Variants in THRB observed in about 807,000 individuals in gnomAD.
THRB encodes thyroid hormone receptor beta.
In THRB, 12 loss-of-function variants were observed where a neutral mutation model predicts 47.8. The observed-to-expected ratio is 0.25, with a 90% CI of 0.16 to 0.41. The LOEUF (loss-of-function observed/expected upper bound fraction) is 0.41. THRB is among the 10% of genes least tolerant of loss of function. The pLI, the probability that THRB is intolerant of heterozygous loss-of-function variation, is 1.00. For synonymous variants in THRB, 218 were observed against 212.2 expected (o/e 1.03, Z -0.24); for missense variants, 348 against 589.2 (o/e 0.59, Z 4.24).
At chr3:24,233,117 C>T (rs1471139729) in intron 3 of THRB, among the ~76,000 whole-genome samples, 3 of 152,148 alleles carry the variant, frequency 2.0e-5, no homozygotes, top group Admixed American at 6.5e-5. Flanking sequence ...CAGGCATTCA[C>T]CTCTCAAACA....
At chr3:24,152,964 AAAAAAAAAAGAAAG>A (rs1214466817) in intron 5 of THRB, among the ~76,000 whole-genome samples, 26 of 83,260 alleles carry the variant, frequency 3.1e-4, no homozygotes, top group Non-Finnish European at 5.5e-4. Context: ...TTCTGCCAAA[AAAAAAAAAAGAAAG>A]AAAGAAAGAA....
At chr3:24,164,927 A>C in intron 5 of THRB, 1 of 617,000 alleles carries the variant, frequency 1.6e-6, no homozygotes, top group East Asian at 2.6e-5. Context: ...TTTAGCGTTC[A>C]AATTCAAAGA....
At chr3:24,225,223 G>A (rs974377621) in intron 4 of THRB, among the ~76,000 whole-genome samples, 21 of 152,100 alleles carry the variant, frequency 1.4e-4, no homozygotes, top group African/African-American at 3.4e-4. Flanking sequence ...AAGCTCACAG[G>A]AAACAGTACA....
chr3:24,284,778 A>G (rs2150894568), intron 3 of THRB, among the ~76,000 whole-genome samples: 1 of 150,768 alleles, frequency 6.6e-6, no homozygotes, highest in Non-Finnish European at 1.5e-5. Flanking sequence ...AGAGGACATG[A>G]ACAGACACTT....
chr3:24,317,441 G>T (rs2058195606), intron 2 of THRB, among the ~76,000 whole-genome samples: 6 of 152,176 alleles, frequency 3.9e-5, no homozygotes, highest in Admixed American at 3.9e-4. Flanking sequence ...GGACTCGCTT[G>T]ATTTCAACGA....
chr3:24,248,061 G>T (rs2050281901), intron 3 of THRB, among the ~76,000 whole-genome samples: 1 of 152,072 alleles, frequency 6.6e-6, no homozygotes, highest in African/African-American at 2.4e-5. Flanking sequence ...TTTTGGATAT[G>T]AGACATTTCT....
chr3:24,408,522 T>A lies in THRB; in HGVS notation c.-260-71151A>T, dbSNP rs191720852. Among the ~76,000 whole-genome samples the A allele has an allele frequency of 5.3e-5, 8 of 152,022 alleles. No individual in the cohort carries two copies. The East Asian group carries it at 1.6e-3, about 30-fold the overall frequency. On this transcript the variant is annotated intron_variant, in intron 1 of 10. Coordinates refer to ENST00000646209, the MANE Select transcript of THRB (RefSeq NM_001354712.2). ...ATACTTGAGTACAAGTGTGAGCACG[T>A]GCATGAGCATGTGTGTGAGCTGGTA...
chr3:24,358,756 G>A (rs946195177), intron 1 of THRB, among the ~76,000 whole-genome samples: 4 of 151,914 alleles, frequency 2.6e-5, no homozygotes, highest in Admixed American at 2.0e-4. Flanking sequence ...GTCAATTCTC[G>A]CATGGTTATT....
intron 1 of THRB, among the ~76,000 whole-genome samples, chr3:24,450,925 C>A (rs2072588125): frequency 6.6e-6 from 1 of 152,130 alleles, no homozygotes; most frequent in Non-Finnish European, 1.5e-5. Flanking sequence ...ATTATGAAGT[C>A]TGTTATATTT....
rs2148741867 is a variant in THRB, at chr3:24,117,990, C to T, written c.*4894G>A. 6.6e-6 allele frequency: 1 copy of T among 152,234 alleles called. No individual in the cohort carries two copies. The highest frequency in any genetic ancestry group is 1.9e-4 in the East Asian group (1 of 5,182). 9.4% of individuals were successfully genotyped at this position (152,234 alleles called of 1,614,324 possible). On this transcript the variant is annotated 3_prime_UTR_variant, in exon 11 of 11. Coordinates refer to ENST00000646209, the MANE Select transcript of THRB (RefSeq NM_001354712.2). ...CTCTCCTCCCTTCATCTTTGTGGCC[C>T]CTTCCAAAGAGGTAACCCCCCATCA...
intron 1 of THRB, among the ~76,000 whole-genome samples, chr3:24,486,012 C>G (rs1342337423): frequency 6.6e-6 from 1 of 152,036 alleles, no homozygotes; most frequent in African/African-American, 2.4e-5. Context: ...ACACATTTCC[C>G]ACTCCACGGC....
At chr3:24,248,416 A>T (rs1262099488) in intron 3 of THRB, among the ~76,000 whole-genome samples, 1 of 152,312 alleles carries the variant, frequency 6.6e-6, no homozygotes, top group Middle Eastern at 3.4e-3. Flanking sequence ...AAGGTTTGGA[A>T]TAGTACAATG....
chr3:24,485,143 C>A (rs1697097588), intron 1 of THRB, among the ~76,000 whole-genome samples: 1 of 152,182 alleles, frequency 6.6e-6, no homozygotes, highest in Admixed American at 6.5e-5. Context: ...GAAACACGTT[C>A]CTGTCAGACA....
chr3:24,383,574 A>C (rs1455414842), intron 1 of THRB, among the ~76,000 whole-genome samples: 1 of 152,168 alleles, frequency 6.6e-6, no homozygotes, highest in African/African-American at 2.4e-5. Context: ...TTCAGTCTAC[A>C]AAGGTAATTA....
chr3:24,292,010 C>T lies in THRB; in HGVS notation c.-43+5216G>A, dbSNP rs115825284. Among the ~76,000 whole-genome samples, 1,254 of 152,040 alleles carry T rather than the reference C, an allele frequency of 8.2e-3. 15 individuals are homozygous for T. The highest frequency in any genetic ancestry group is 0.029 in the African/African-American group (1,184 of 41,458). On this transcript the variant is annotated intron_variant, in intron 3 of 10. Coordinates refer to ENST00000646209, the MANE Select transcript of THRB (RefSeq NM_001354712.2). Reference sequence around the variant, plus strand: ...AAGACTCAGTAAATAAATTTTGGTACATCTAATCATTCAATGGACTAATAT... The same window carrying T: ...AAGACTCAGTAAATAAATTTTGGTATATCTAATCATTCAATGGACTAATAT...
At chr3:24,244,724 T>C (rs924020382) in intron 3 of THRB, among the ~76,000 whole-genome samples, 1 of 152,186 alleles carries the variant, frequency 6.6e-6, no homozygotes, top group African/African-American at 2.4e-5. Flanking sequence ...GCTCAAAGTG[T>C]CTGTGGCAGT....
chr3:24,122,428 TA>T lies in THRB; in HGVS notation c.*455del. 1 of 223,278 alleles carries T rather than the reference TA, an allele frequency of 4.5e-6. No homozygotes were observed. The highest frequency in any genetic ancestry group is 9.0e-6 in the Non-Finnish European group (1 of 111,248). 13.8% of individuals were successfully genotyped at this position (223,278 alleles called of 1,614,324 possible). ...ATGAAAATTTGTTCGAGTCTTTCCC[TA>T]AAAGGCTGAAAGCCACATCTAACTA... On this transcript the variant is annotated 3_prime_UTR_variant, in exon 11 of 11. Transcript: ENST00000646209.
intron 1 of THRB, among the ~76,000 whole-genome samples, chr3:24,413,851 C>T (rs551781512): frequency 2.2e-3 from 328 of 151,912 alleles, no homozygotes; most frequent in Middle Eastern, 0.02. Flanking sequence ...AGGATGAGTT[C>T]ATATCCTTTG....
At chr3:24,239,558 C>T (rs935452083) in intron 3 of THRB, among the ~76,000 whole-genome samples, 2 of 152,040 alleles carry the variant, frequency 1.3e-5, no homozygotes, top group African/African-American at 4.8e-5. Context: ...AAGCAATTCT[C>T]CTGTCTTGGC....
Sources: allele counts gnomAD v4.1 joint callset (sites outside exome capture counted in the v4.1 genomes callset), GRCh38; gene constraint gnomAD v4.1.1; transcripts MANE v1.5; gene names NCBI Gene and HGNC (gene_info 2026-07-23, HGNC 2026-07-21).